Variants in GAS2L3 observed in about 807,000 individuals in gnomAD.
The protein encoded by GAS2L3 is growth arrest specific 2 like 3, also known as GAS2-like protein 3.
In GAS2L3, 28 loss-of-function variants were observed where a neutral mutation model predicts 37.0. The ratio of observed to expected loss-of-function variants is 0.76; its 90% CI spans 0.56 to 1.04. The LOEUF (loss-of-function observed/expected upper bound fraction) is 1.04, where lower values mean the gene tolerates loss of function less well. Ranked by LOEUF, GAS2L3 falls within the 50% of genes least tolerant of loss-of-function variation. GAS2L3 has a pLI of 0.00. For synonymous variants in GAS2L3, 290 were observed against 296.6 expected (o/e 0.98, Z 0.23); for missense variants, 793 against 817.6 (o/e 0.97, Z 0.37).
chr12:100,597,298 T>C (rs1025159157), intron 3 of GAS2L3, among the ~76,000 whole-genome samples: 1 of 152,110 alleles, frequency 6.6e-6, no homozygotes, highest in Non-Finnish European at 1.5e-5. Context: ...TTGATTTTGA[T>C]GGTACAAAGA....
chr12:100,596,421 G>A (rs997877661), intron 3 of GAS2L3, among the ~76,000 whole-genome samples: 2 of 151,886 alleles, frequency 1.3e-5, no homozygotes, highest in Admixed American at 1.3e-4. Flanking sequence ...TTCATAGTTT[G>A]TCTAATGATT....
chr12:100,607,640 T>G (rs1250764340), intron 5 of GAS2L3, among the ~76,000 whole-genome samples: 2 of 152,046 alleles, frequency 1.3e-5, no homozygotes, highest in African/African-American at 4.8e-5. Context: ...CTACTCTGTA[T>G]TTTCAAGTAG....
In GAS2L3 at chr12:100,623,980, C is replaced by T. The variant is rs373555854; in HGVS notation, c.1175C>T (p.Thr392Met). 84 of 1,614,046 alleles carry T rather than the reference C, an allele frequency of 5.2e-5. 1 individual carries two copies. The highest frequency in any genetic ancestry group is 1.6e-4 in the Middle Eastern group (1 of 6,062). Residue 392 changes from threonine to methionine, a missense_variant, in exon 10 of 10, where the codon ACG becomes ATG. By Grantham distance (81) the Thr-to-Met change is moderately conservative (BLOSUM62 -1). Coordinates refer to ENST00000547754, the MANE Select transcript of GAS2L3 (RefSeq NM_174942.3). Reference protein sequence around the residue: ...HPKLKSSKGITKKPQAPSNNA... With the variant: ...HPKLKSSKGIMKKPQAPSNNA... ...AAGCTCAAGTCTTCAAAAGGCATAA[C>T]GAAGAAACCGCAGGCTCCTTCAAAC...
chr12:100,578,766 G>A (rs1955669827), intron 1 of GAS2L3: 2 of 571,826 alleles, frequency 3.5e-6, no homozygotes, highest in Admixed American at 4.9e-5. Context: ...GGAGAAGGTG[G>A]GCATGGCCAG....
intron 1 of GAS2L3, among the ~76,000 whole-genome samples, chr12:100,588,611 C>T (rs1027787059): frequency 6.6e-6 from 1 of 152,086 alleles, no homozygotes; most frequent in African/African-American, 2.4e-5. Context: ...CCAGTCTGAC[C>T]ACAAATTTAC....
chr12:100,582,946 G>T (rs906674553), intron 1 of GAS2L3, among the ~76,000 whole-genome samples: 2 of 152,140 alleles, frequency 1.3e-5, no homozygotes, highest in Admixed American at 6.6e-5. Context: ...TCTCTTTGAT[G>T]CTCTTCCATC....
chr12:100,579,139 T>C (rs1032470712), intron 1 of GAS2L3: 19 of 694,622 alleles, frequency 2.7e-5, no homozygotes, highest in Middle Eastern at 2.5e-4. Flanking sequence ...GTTCATTTTC[T>C]GCCATGGCCC....
intron 6 of GAS2L3, among the ~76,000 whole-genome samples, chr12:100,614,422 C>T (rs533124289): frequency 3.3e-5 from 5 of 151,522 alleles, no homozygotes; most frequent in African/African-American, 4.9e-5. Flanking sequence ...AGGATCACGT[C>T]GCTACACTCC....
intron 1 of GAS2L3, among the ~76,000 whole-genome samples, chr12:100,574,864 G>T (rs1295564471): frequency 6.6e-6 from 1 of 152,192 alleles, no homozygotes; most frequent in Non-Finnish European, 1.5e-5. Context: ...AAACTCTAGT[G>T]ATCTGGTGTA....
intron 1 of GAS2L3, among the ~76,000 whole-genome samples, chr12:100,580,997 A>T (rs553287862): frequency 2.9e-4 from 44 of 152,220 alleles, no homozygotes; most frequent in Non-Finnish European, 5.3e-4. Context: ...TCCTAGGTAG[A>T]GCCTTCATCT....
intron 9 of GAS2L3, 81 bp from the exon 10 acceptor site, chr12:100,623,481 C>T: frequency 5.5e-6 from 7 of 1,270,216 alleles, no homozygotes; most frequent in Non-Finnish European, 7.6e-6. Context: ...TCACAGACAT[C>T]ACATATTGTA....
chr12:100,615,537 A>G lies in GAS2L3; in HGVS notation c.446-2207A>G, dbSNP rs189784198. Among the ~76,000 whole-genome samples the G allele has an allele frequency of 2.4e-4, 37 of 151,820 alleles. 1 individual carries two copies. The highest frequency in any genetic ancestry group is 7.5e-4 in the African/African-American group (31 of 41,412). On this transcript the variant is annotated intron_variant, in intron 6 of 9. Coordinates refer to ENST00000547754, the MANE Select transcript of GAS2L3 (RefSeq NM_174942.3). ...TTATCTATTTTTCTTTTGCTTGTCC[A>G]TACTTTTGGTCATTTAAAAATCCAT...
At chr12:100,576,030 A>G (rs1955632449) in intron 1 of GAS2L3, among the ~76,000 whole-genome samples, 2 of 152,174 alleles carry the variant, frequency 1.3e-5, no homozygotes, top group Admixed American at 1.3e-4. Context: ...AAAATTTGTG[A>G]TAAAAGAATA....
chr12:100,602,930 A>T (rs923241728), intron 5 of GAS2L3, among the ~76,000 whole-genome samples: 2 of 152,188 alleles, frequency 1.3e-5, no homozygotes, highest in Non-Finnish European at 2.9e-5. Context: ...TTCACTTAAC[A>T]TAATGACCTC....
rs1956215615 is a variant in GAS2L3, at chr12:100,618,524, T to C, written c.585T>C (p.Ser195=). The part of the protein sequence containing the change: ...IELEETLLNT[S]GPEDSISIPK... ...TAGAAGAGACTTTGCTTAATACTTC[T>C]GGGCCTGAAGATTCCATCAGCATTC... The change falls in exon 8 of 10, where the codon TCT becomes TCC. Residue 195 remains serine, a synonymous_variant. Coordinates refer to ENST00000547754, the MANE Select transcript of GAS2L3 (RefSeq NM_174942.3). The C allele has an allele frequency of 6.2e-7, 1 of 1,613,162 alleles. No individual in the cohort carries two copies. Among genetic ancestry groups the C allele is most frequent in the African/African-American group, 1.3e-5 (1 of 74,976 alleles).
chr12:100,579,679 C>A (rs544997957), intron 1 of GAS2L3: 18 of 778,592 alleles, frequency 2.3e-5, no homozygotes, highest in Non-Finnish European at 4.1e-5. Flanking sequence ...CTTACTGAAG[C>A]ATTCTGCATG....
chr12:100,610,534 A>G (rs7314337), intron 5 of GAS2L3, among the ~76,000 whole-genome samples: 65,188 of 149,562 alleles, frequency 0.44, 15,311 homozygotes, highest in Non-Finnish European at 0.54. Context: ...TTTTTTTGCA[A>G]TGATTGTCTA....
chr12:100,612,129 T>A lies in GAS2L3; in HGVS notation c.433T>A (p.Ser145Thr). ...GGTTGATGAAACTTACCTCTTTGAA[T>A]CTGAAGGTTTAGGTAAGTGATGTTC... Reference protein sequence around the residue: ...IGVDETYLFESEGLVLHKDPR... With the variant: ...IGVDETYLFETEGLVLHKDPR... Residue 145 changes from serine (S) to threonine (T), a missense_variant, in exon 6 of 10, where the codon TCT becomes ACT. Ser to Thr is a moderately conservative substitution (Grantham distance 58). Coordinates refer to ENST00000547754, the MANE Select transcript of GAS2L3 (RefSeq NM_174942.3). 4 of 1,613,454 alleles carry A rather than the reference T, an allele frequency of 2.5e-6. No individual in the cohort carries two copies. Among genetic ancestry groups the A allele is most frequent in the Non-Finnish European group, 3.4e-6 (4 of 1,179,464 alleles).
chr12:100,592,374 A>G (rs1350478444), intron 2 of GAS2L3: 2 of 152,056 alleles, frequency 1.3e-5, no homozygotes, highest in Non-Finnish European at 2.9e-5. Flanking sequence ...TTGACTTCAG[A>G]TTTGTAACAG....
Sources: gnomAD v4.1 joint callset for allele counts (sites outside exome capture counted in the v4.1 genomes callset) on GRCh38, gnomAD v4.1.1 for gene constraint, MANE v1.5 for transcripts, NCBI Gene and HGNC (gene_info 2026-07-23, HGNC 2026-07-21) for gene names.